The following ABR variants were observed in gnomAD, a reference collection of about 807,000 sequenced individuals.
ABR encodes ABR activator of RhoGEF and GTPase.
Under a neutral mutation model 107.2 loss-of-function variants are expected in ABR, and 35 were observed. That is an observed-to-expected ratio of 0.33 (90% CI 0.25 to 0.43). The LOEUF is 0.43. ABR is among the 20% of genes least tolerant of loss of function. The pLI is 1.00. For synonymous variants in ABR, 498 were observed against 462.0 expected, an observed-to-expected ratio of 1.08 and a Z score of -1.00; for missense variants, 815 against 1,115.2, an observed-to-expected ratio of 0.73 and a Z score of 3.83.
At position 1,010,579 on chromosome 17, in the gene ABR, C is replaced by A; in HGVS notation, c.2236+150G>T. ...CAGGTCCCAGCAGGCCACACCTCAC[C>A]CTCGGACCCCTCAGCCACAGGCCCC... On this transcript the variant is annotated intron_variant, in intron 20 of 22. Coordinates refer to ENST00000302538, the MANE Select transcript of ABR (RefSeq NM_021962.5). The surrounding 1 kb of genome is among the most constrained non-coding windows in gnomAD (Gnocchi z 4.1). 9.3e-7 allele frequency: 1 copy of A among 1,075,480 alleles called. No individual in the cohort carries two copies. The highest frequency in any genetic ancestry group is 1.3e-6 in the Non-Finnish European group (1 of 759,314). 66.6% of individuals were successfully genotyped at this position (1,075,480 alleles called of 1,614,324 possible).
chr17:1,026,710 G>A (rs1294466629), intron 16 of ABR, among the ~76,000 whole-genome samples: 2 of 152,202 alleles, frequency 1.3e-5, no homozygotes, highest in African/African-American at 2.4e-5. Context: ...TCTGTTCCTC[G>A]AAGGTGCTGG....
At chr17:1,059,776 G>C (rs763691607) in intron 10 of ABR, among the ~76,000 whole-genome samples, 1 of 152,226 alleles carries the variant, frequency 6.6e-6, no homozygotes, top group African/African-American at 2.4e-5. Context: ...TCCTCAGTTA[G>C]AATTCACCTC....
At chr17:1,016,838 T>C (rs544873810) in intron 16 of ABR, among the ~76,000 whole-genome samples, 4 of 152,156 alleles carry the variant, frequency 2.6e-5, no homozygotes, top group Admixed American at 6.5e-5. Flanking sequence ...CCTCAGAACG[T>C]CTCTGTGCAC....
At chr17:1,169,109 A>AGGAG (rs1334914772) in intron 1 of ABR, among the ~76,000 whole-genome samples, 1 of 152,192 alleles carries the variant, frequency 6.6e-6, no homozygotes, top group African/African-American at 2.4e-5. Context: ...CAGGGGAAAG[A>AGGAG]GGAGGGAGGG....
Position 1,100,668 on chromosome 17 carries a change from A to G in ABR, c.314T>C (p.Ile105Thr). 6.2e-7 allele frequency: 1 copy of G among 1,614,114 alleles called. No homozygotes were observed. The highest frequency in any genetic ancestry group is 8.5e-7 in the Non-Finnish European group (1 of 1,180,018). Residue 105 changes from isoleucine (I) to threonine (T), a missense_variant, in exon 3 of 23, where the codon ATC becomes ACC. Coordinates refer to ENST00000302538, the MANE Select transcript of ABR (RefSeq NM_021962.5). ...CAGGGCTTCCAGCTGGTTAATGTAG[A>G]TCTCTTCGCTGGCCAAGAACCCCGA... The part of the protein sequence containing the change: ...VLSGFLASEE[I>T]YINQLEALLL...
rs142215478 is a variant in ABR at position 1,099,445 on chromosome 17, TCTCAGGGTTGACGTGTGACAACAC to T, written c.345+1168_345+1191del. ...CAAGTCCCCTGGGACACTGACAGCA[TCTCAGGGTTGACGTGTGACAACAC>T]CTCACGTCATGGCAAGTACTTAAAT... On this transcript the variant is annotated intron_variant, in intron 3 of 22. Coordinates refer to ENST00000302538, the MANE Select transcript of ABR (RefSeq NM_021962.5). Among the ~76,000 whole-genome samples, 20 of 152,328 alleles carry T rather than the reference TCTCAGGGTTGACGTGTGACAACAC, an allele frequency of 1.3e-4. 1 individual carries two copies. The East Asian group carries it at 3.9e-3, about 29-fold the overall frequency.
intron 2 of ABR, among the ~76,000 whole-genome samples, chr17:1,119,757 G>A (rs1162676996): frequency 6.6e-6 from 1 of 152,262 alleles, no homozygotes; most frequent in East Asian, 1.9e-4. Context: ...CGGGGTGGGT[G>A]TGAAAGCTTC....
rs1427740087 is a variant in ABR at position 1,117,825 on chromosome 17, A to AT, written c.246+7357dup. Among the ~76,000 whole-genome samples the AT allele has an allele frequency of 2.9e-4, 21 of 71,976 alleles. 1 individual carries two copies. Among genetic ancestry groups the AT allele is most frequent in the Admixed American group, 3.7e-4 (2 of 5,476 alleles). 47.2% of individuals were successfully genotyped at this position (71,976 alleles called of 152,430 possible). A position where few individuals can be genotyped will look rare whatever the true frequency, so the allele number is the denominator to read the frequency against. ...CCTGAGCCTGAGTCCTCCCAGCGTT[A>AT]TCCCTGAGCCTGAGTCCCTCCCAGC... On this transcript the variant is annotated intron_variant, in intron 2 of 22. Transcript: ENST00000302538.
intron 9 of ABR, among the ~76,000 whole-genome samples, chr17:1,067,596 C>T (rs778401243): frequency 3.3e-5 from 5 of 152,210 alleles, no homozygotes; most frequent in South Asian, 2.1e-4. Flanking sequence ...CCCTCCCTCC[C>T]TTCTAGACTA....
chr17:1,137,683 G>A (rs2040133887), intron 1 of ABR, among the ~76,000 whole-genome samples: 1 of 152,126 alleles, frequency 6.6e-6, no homozygotes, highest in Admixed American at 6.5e-5. Context: ...AGAATGCGAG[G>A]TGGCCACACA....
At chr17:1,175,474 G>A (rs969119884) in intron 1 of ABR, among the ~76,000 whole-genome samples, 8 of 152,308 alleles carry the variant, frequency 5.3e-5, no homozygotes, top group African/African-American at 1.9e-4. Flanking sequence ...GTAAGGTACT[G>A]AGGGGTGAAA....
At chr17:1,140,422 C>G (rs2040241889) in intron 1 of ABR, among the ~76,000 whole-genome samples, 1 of 150,152 alleles carries the variant, frequency 6.7e-6, no homozygotes, top group African/African-American at 2.5e-5. Flanking sequence ...AACCCTGAAC[C>G]AGGGAACTGG....
intron 9 of ABR, among the ~76,000 whole-genome samples, chr17:1,067,546 TC>T (rs1407203500): frequency 6.6e-6 from 1 of 152,208 alleles, no homozygotes; most frequent in Non-Finnish European, 1.5e-5. Flanking sequence ...AGCGAAGCCT[TC>T]CTGGCTGGGC....
intron 3 of ABR, among the ~76,000 whole-genome samples, chr17:1,099,232 G>A (rs1035417781): frequency 2.0e-5 from 3 of 151,156 alleles, no homozygotes; most frequent in East Asian, 3.9e-4. Context: ...GCACCACCAC[G>A]CCTGGCTTTT....
intron 1 of ABR, among the ~76,000 whole-genome samples, chr17:1,186,362 G>A (rs2042296729): frequency 6.6e-6 from 1 of 152,218 alleles, no homozygotes; most frequent in Non-Finnish European, 1.5e-5. Flanking sequence ...AGTCATTTCT[G>A]CACCAAACTT....
intron 1 of ABR, among the ~76,000 whole-genome samples, chr17:1,219,803 C>G (rs1303252506): frequency 6.7e-6 from 1 of 148,750 alleles, no homozygotes; most frequent in South Asian, 2.2e-4. Flanking sequence ...AAGAATAACC[C>G]CACCACTTAG....
At chr17:1,025,166 G>T (rs568928446) in intron 16 of ABR, among the ~76,000 whole-genome samples, 6 of 148,976 alleles carry the variant, frequency 4.0e-5, no homozygotes, top group African/African-American at 1.5e-4. Context: ...CGTGGTGGCG[G>T]GCACCTGTAA....
chr17:1,091,906 C>A, intron 3 of ABR, 56 bp from the exon 4 acceptor site: 2 of 1,540,598 alleles, frequency 1.3e-6, no homozygotes, highest in South Asian at 1.2e-5. Flanking sequence ...ACCAGAGTGT[C>A]GGCAGGCCCC....
chr17:1,156,929 C>T (rs2041068034), intron 1 of ABR, among the ~76,000 whole-genome samples: 1 of 152,196 alleles, frequency 6.6e-6, no homozygotes, highest in Admixed American at 6.5e-5. Flanking sequence ...GTTTTGAGCT[C>T]ATTTCAACAC....
Sources: gnomAD v4.1 joint callset for allele counts (sites outside exome capture counted in the v4.1 genomes callset) on GRCh38, gnomAD v4.1.1 for gene constraint, Gnocchi (gnomAD v3.1) non-coding constraint, MANE v1.5 for transcripts, NCBI Gene and HGNC (gene_info 2026-07-23, HGNC 2026-07-21) for gene names.